MITF: variants seen among roughly 807,000 people sequenced by gnomAD.
MITF encodes microphthalmia-associated transcription factor.
A neutral mutation model predicts 60.5 loss-of-function variants in MITF; 17 were observed. The ratio of observed to expected loss-of-function variants is 0.28; its 90% CI spans 0.19 to 0.42. The LOEUF (loss-of-function observed/expected upper bound fraction) is 0.42. Among genes scored for constraint, MITF ranks in the 10% least tolerant of loss-of-function variants. The probability of loss-of-function intolerance (pLI) is 1.00; values close to 1 mark genes in which losing one functional copy is unlikely to be tolerated. For synonymous variants in MITF, 260 were observed against 248.5 expected (o/e 1.05, Z -0.43); for missense variants, 622 against 683.5 (o/e 0.91, Z 1.00).
intron 2 of MITF, among the ~76,000 whole-genome samples, chr3:69,919,931 G>T (rs2065425224): frequency 6.6e-6 from 1 of 152,034 alleles, no homozygotes; most frequent in African/African-American, 2.4e-5. Flanking sequence ...GACACCAGCT[G>T]TTCCAGTATA....
At chr3:69,798,939 G>T (rs1200681086) in intron 1 of MITF, among the ~76,000 whole-genome samples, 1 of 152,060 alleles carries the variant, frequency 6.6e-6, no homozygotes, top group Non-Finnish European at 1.5e-5. Flanking sequence ...TACTTAATTT[G>T]CTTGTCCTTT....
intron 2 of MITF, among the ~76,000 whole-genome samples, chr3:69,888,717 G>T (rs1183184481): frequency 6.6e-6 from 1 of 152,056 alleles, no homozygotes; most frequent in East Asian, 1.9e-4. Context: ...TTAAACAAAA[G>T]CAATATTGTG....
At chr3:69,869,422 A>G (rs1277161661) in intron 1 of MITF, among the ~76,000 whole-genome samples, 1 of 152,130 alleles carries the variant, frequency 6.6e-6, no homozygotes, top group Non-Finnish European at 1.5e-5. Context: ...GATCATTTGA[A>G]GGAGATTTTC....
chr3:69,873,721 A>T (rs567589985), intron 1 of MITF, among the ~76,000 whole-genome samples: 68 of 152,278 alleles, frequency 4.5e-4, no homozygotes, highest in African/African-American at 1.5e-3. Flanking sequence ...ACATGGAAGA[A>T]AGTATTCTGG....
chr3:69,853,574 C>A (rs947267851), intron 1 of MITF, among the ~76,000 whole-genome samples: 4 of 152,116 alleles, frequency 2.6e-5, no homozygotes, highest in African/African-American at 4.8e-5. Context: ...CCTCTGGAAG[C>A]CTCATCTTTG....
chr3:69,823,038 C>T (rs1235309492), intron 1 of MITF, among the ~76,000 whole-genome samples: 3 of 152,054 alleles, frequency 2.0e-5, no homozygotes, highest in Admixed American at 2.0e-4. Flanking sequence ...GCCACCACGC[C>T]TGGCTAATTT....
intron 1 of MITF, among the ~76,000 whole-genome samples, chr3:69,850,449 T>C (rs1010160907): frequency 6.6e-6 from 1 of 152,200 alleles, no homozygotes; most frequent in Non-Finnish European, 1.5e-5. Context: ...GCATATAAAA[T>C]GCTTAGCTTG....
At chr3:69,771,857 C>T (rs538674142) in intron 1 of MITF, among the ~76,000 whole-genome samples, 5 of 152,108 alleles carry the variant, frequency 3.3e-5, no homozygotes, top group Non-Finnish European at 7.4e-5. Context: ...CCTGCCATCG[C>T]GATGCATGCT....
chr3:69,823,196 T>C (rs2063303620), intron 1 of MITF, among the ~76,000 whole-genome samples: 1 of 152,180 alleles, frequency 6.6e-6, no homozygotes, highest in African/African-American at 2.4e-5. Flanking sequence ...TTTTTTAAAT[T>C]AGCTTTTCTG....
intron 2 of MITF, among the ~76,000 whole-genome samples, chr3:69,927,363 C>T (rs1239891637): frequency 1.3e-5 from 2 of 151,924 alleles, no homozygotes; most frequent in African/African-American, 4.8e-5. Context: ...ACACCGGAGC[C>T]TGTTGAGGGG....
At chr3:69,831,377 A>T (rs1368201005) in intron 1 of MITF, among the ~76,000 whole-genome samples, 2 of 152,050 alleles carry the variant, frequency 1.3e-5, no homozygotes, top group Non-Finnish European at 2.9e-5. Flanking sequence ...TTCCTCTTCC[A>T]TGGTGGGGAT....
intron 2 of MITF, among the ~76,000 whole-genome samples, chr3:69,904,548 C>T (rs1246999579): frequency 6.6e-6 from 1 of 152,200 alleles, no homozygotes; most frequent in Non-Finnish European, 1.5e-5. Flanking sequence ...GGTTTTCCCT[C>T]CTGGTCCCTC....
At chr3:69,811,166 CACTGGT>C (rs1420768138) in intron 1 of MITF, among the ~76,000 whole-genome samples, 1 of 152,080 alleles carries the variant, frequency 6.6e-6, no homozygotes, top group Non-Finnish European at 1.5e-5. Flanking sequence ...CTAAGGTGGG[CACTGGT>C]ATTTGTTTTA....
intron 2 of MITF, among the ~76,000 whole-genome samples, chr3:69,893,943 T>C (rs2064816109): frequency 1.3e-5 from 2 of 152,352 alleles, no homozygotes; most frequent in South Asian, 2.1e-4. Context: ...GTTAAATCCT[T>C]ACTTATAGAA....
At chr3:69,883,264 A>G (rs1158077019) in intron 2 of MITF, among the ~76,000 whole-genome samples, 1 of 152,206 alleles carries the variant, frequency 6.6e-6, no homozygotes, top group African/African-American at 2.4e-5. Flanking sequence ...CTGTTTGTCA[A>G]ATACAGAAGC....
chr3:69,835,778 T>G (rs1440529286), intron 1 of MITF, among the ~76,000 whole-genome samples: 1 of 152,152 alleles, frequency 6.6e-6, no homozygotes, highest in African/African-American at 2.4e-5. Context: ...AAAAAGTCAT[T>G]TGGCTGTAGG....
chr3:69,907,481 T>G (rs2065126013), intron 2 of MITF, among the ~76,000 whole-genome samples: 1 of 151,982 alleles, frequency 6.6e-6, no homozygotes, highest in African/African-American at 2.4e-5. Context: ...AAAGTTATAT[T>G]CTACTGGAGG....
chr3:69,896,598 A>G (rs371420643), intron 2 of MITF, among the ~76,000 whole-genome samples: 6 of 152,184 alleles, frequency 3.9e-5, no homozygotes, highest in African/African-American at 1.2e-4. Flanking sequence ...ATAAAGGTGC[A>G]TAGGTTTTGA....
chr3:69,789,827 G>C (rs2062710644), intron 1 of MITF, among the ~76,000 whole-genome samples: 2 of 152,148 alleles, frequency 1.3e-5, no homozygotes, highest in South Asian at 4.1e-4. Flanking sequence ...CTGCACTGCA[G>C]CCTGGGCAAC....
Sources: allele counts gnomAD v4.1 joint callset (sites outside exome capture counted in the v4.1 genomes callset), GRCh38; gene constraint gnomAD v4.1.1; transcripts MANE v1.5; gene names NCBI Gene and HGNC (gene_info 2026-07-23, HGNC 2026-07-21).